Variants in COL24A1 observed in about 807,000 individuals in gnomAD.
The protein encoded by COL24A1 is collagen type XXIV alpha 1 chain, also known as collagen alpha-1(XXIV) chain.
COL24A1 carries 224 observed loss-of-function variants against 253.9 expected under a neutral mutation model. The ratio of observed to expected loss-of-function variants is 0.88; its 90% CI spans 0.79 to 0.99. COL24A1 has a LOEUF of 0.99. COL24A1 is among the 50% of genes least tolerant of loss of function. COL24A1 has a pLI of 0.00. For synonymous variants in COL24A1, 685 were observed against 673.7 expected (o/e 1.02, Z -0.26); for missense variants, 2,131 against 2,068.5 (o/e 1.03, Z -0.59).
intron 3 of COL24A1, among the ~76,000 whole-genome samples, chr1:86,117,818 C>T (rs990422043): frequency 6.6e-6 from 1 of 152,142 alleles, no homozygotes; most frequent in African/African-American, 2.4e-5. Flanking sequence ...AAGTACAATT[C>T]CATTTAAAAA....
chr1:86,071,702 G>A (rs1254523977), intron 7 of COL24A1, among the ~76,000 whole-genome samples: 2 of 152,146 alleles, frequency 1.3e-5, no homozygotes, highest in Non-Finnish European at 2.9e-5. Context: ...TACAATGATT[G>A]TAAATATATA....
chr1:85,934,554 T>C (rs996813438), intron 24 of COL24A1, among the ~76,000 whole-genome samples: 9 of 152,152 alleles, frequency 5.9e-5, no homozygotes, highest in Non-Finnish European at 1.3e-4. Flanking sequence ...CTATCATGAA[T>C]AAGGTACTAT....
At chr1:86,139,788 C>T (rs1557793109) in intron 2 of COL24A1, among the ~76,000 whole-genome samples, 1 of 152,120 alleles carries the variant, frequency 6.6e-6, no homozygotes, top group South Asian at 2.1e-4. Flanking sequence ...ATAAAATCAC[C>T]AAATTTGCAA....
intron 53 of COL24A1, 118 bp from the exon 54 acceptor site, chr1:85,761,684 T>C (rs1666865065): frequency 2.1e-6 from 2 of 952,674 alleles, no homozygotes; most frequent in East Asian, 2.5e-5. Context: ...TCATACAATT[T>C]AAAATTGTTT....
chr1:85,867,185 C>A (rs313768), intron 37 of COL24A1, among the ~76,000 whole-genome samples: 96 of 151,980 alleles, frequency 6.3e-4, no homozygotes, highest in Middle Eastern at 3.4e-3. Flanking sequence ...GGGGCAGGGC[C>A]CATTCAATGA....
chr1:85,758,279 A>G, intron 55 of COL24A1, among the ~76,000 whole-genome samples: 1 of 29,508 alleles, frequency 3.4e-5, no homozygotes, highest in African/African-American at 5.5e-5. Context: ...ATATAATAGC[A>G]GCAGCCACTT....
chr1:85,895,857 C>T lies in COL24A1; in HGVS notation c.2922+1G>A, dbSNP rs1304496395. The T allele has an allele frequency of 6.2e-7, 1 of 1,605,224 alleles. No homozygotes were observed. Among genetic ancestry groups the T allele is most frequent in the Admixed American group, 1.7e-5 (1 of 59,062 alleles). On this transcript the variant is annotated splice_donor_variant, in intron 31 of 59. Transcript: ENST00000370571. LOFTEE classifies it high-confidence loss of function. ...ATAGCATGATTTTTTAAATTACTTACTGGTTTCCCTTGAAATCCTCTTTCT... is the reference window on the plus strand; with the variant it reads ...ATAGCATGATTTTTTAAATTACTTATTGGTTTCCCTTGAAATCCTCTTTCT...
intron 6 of COL24A1, among the ~76,000 whole-genome samples, chr1:86,091,067 T>A (rs1703457010): frequency 6.6e-6 from 1 of 152,082 alleles, no homozygotes; most frequent in Non-Finnish European, 1.5e-5. Context: ...TATTTTAAAA[T>A]ATGGCACTTG....
intron 58 of COL24A1, 36 bp downstream of exon 58, chr1:85,737,360 A>T: frequency 7.5e-7 from 1 of 1,325,652 alleles, no homozygotes; most frequent in Non-Finnish European, 1.1e-6. Context: ...ATACTGTGCA[A>T]TATAACGACA....
Position 85,796,643 on chromosome 1 carries a change from T to C in COL24A1, c.3952-10182A>G, listed in dbSNP as rs1036626912. ...ATATTCCCTAACTCCTGGCTCTTAG[T>C]AGGCACGAAACAAATTATTTTTTGA... On this transcript the variant is annotated intron_variant, in intron 47 of 59. Coordinates refer to ENST00000370571, the MANE Select transcript of COL24A1 (RefSeq NM_152890.7). Among the ~76,000 whole-genome samples the C allele has an allele frequency of 7.9e-5, 12 of 152,338 alleles. No individual in the cohort carries two copies. The South Asian group carries it at 2.3e-3, about 29-fold the overall frequency.
chr1:85,786,486 A>T, intron 47 of COL24A1, 25 bp from the exon 48 acceptor site: 7 of 1,593,496 alleles, frequency 4.4e-6, no homozygotes, highest in Non-Finnish European at 6.0e-6. Flanking sequence ...TAAGAAATGA[A>T]AACTGGGAAA....
chr1:85,872,490 A>C (rs1030128037), intron 35 of COL24A1, among the ~76,000 whole-genome samples: 6 of 152,136 alleles, frequency 3.9e-5, no homozygotes, highest in Admixed American at 1.3e-4. Flanking sequence ...CAAAACAGAG[A>C]TATATACCAA....
At chr1:85,864,871 T>C (rs1243549538) in intron 37 of COL24A1, among the ~76,000 whole-genome samples, 1 of 152,182 alleles carries the variant, frequency 6.6e-6, no homozygotes, top group Non-Finnish European at 1.5e-5. Context: ...TCTGTTCAGA[T>C]CTTAGATAAC....
At chr1:85,982,770 AT>A (rs766760198) in intron 20 of COL24A1, among the ~76,000 whole-genome samples, 22 of 152,034 alleles carry the variant, frequency 1.4e-4, no homozygotes, top group Non-Finnish European at 7.4e-5. Context: ...AAAGAAGACC[AT>A]GTTTTAATTT....
rs759974329 is a variant in COL24A1, at chr1:85,909,956, A to T, written c.2664T>A (p.Gly888=). 5.0e-6 allele frequency: 8 copies of T among 1,609,212 alleles called. No individual in the cohort carries two copies. Among genetic ancestry groups the T allele is most frequent in the Non-Finnish European group, 6.8e-6 (8 of 1,176,276 alleles). ...CAAATCACTGAGCTCTTACCATAAC[A>T]CCTTTTTCTCCCTGCGGACCTAGTG... ...PGPLGPQGEK[G]VMGYPGPPGV... is the part of the protein sequence containing the mutation. Residue 888 remains glycine (G), a synonymous_variant, in exon 26 of 60, where the codon GGT becomes GGA. Transcript: ENST00000370571.
At chr1:85,971,207 TA>T in intron 21 of COL24A1, 132 bp downstream of exon 21, 1 of 725,400 alleles carries the variant, frequency 1.4e-6, no homozygotes, top group Admixed American at 2.7e-5. Context: ...AGACTCTGTC[TA>T]AATATATAAA....
intron 20 of COL24A1, among the ~76,000 whole-genome samples, chr1:85,972,506 A>G (rs536314063): frequency 6.6e-6 from 1 of 152,316 alleles, no homozygotes; most frequent in South Asian, 2.1e-4. Flanking sequence ...AAGCTTTCTT[A>G]TTTTTAAAAG....
At chr1:85,736,346 C>T (rs1261883919) in intron 58 of COL24A1, 1 of 456,278 alleles carries the variant, frequency 2.2e-6, no homozygotes, top group Non-Finnish European at 4.4e-6. Flanking sequence ...CTAGAGTCCG[C>T]TTCCCCACTG....
At chr1:85,870,891 A>C (rs571892448) in intron 35 of COL24A1, among the ~76,000 whole-genome samples, 1 of 152,334 alleles carries the variant, frequency 6.6e-6, no homozygotes, top group South Asian at 2.1e-4. Flanking sequence ...ACCCTTCAAA[A>C]AATCAATGAA....
Sources: allele counts gnomAD v4.1 joint callset (sites outside exome capture counted in the v4.1 genomes callset), GRCh38; gene constraint gnomAD v4.1.1; transcripts MANE v1.5; gene names NCBI Gene and HGNC (gene_info 2026-07-23, HGNC 2026-07-21).